The following BLTP3B variants were observed in gnomAD, a reference collection of about 807,000 sequenced individuals.
The protein encoded by BLTP3B is UHRF1 (ICBP90) binding protein 1-like.
At chr12:100,052,551 T>C in the BLTP3B span, among the ~76,000 whole-genome samples, 2 of 151,698 alleles carry the variant, frequency 1.3e-5, no homozygotes, top group Non-Finnish European at 2.9e-5. Context: ...CAGACTGAGA[T>C]GGAAAAGTTT....
chr12:100,060,469 T>C, the BLTP3B span, among the ~76,000 whole-genome samples: 1 of 152,162 alleles, frequency 6.6e-6, no homozygotes, highest in African/African-American at 2.4e-5. Flanking sequence ...TCTGTAGACT[T>C]TACAACCTGA....
chr12:100,091,859 G>A, the BLTP3B span, among the ~76,000 whole-genome samples: 2 of 150,154 alleles, frequency 1.3e-5, no homozygotes, highest in Admixed American at 6.7e-5. Context: ...AGGACAGGGT[G>A]CAGTGGTGCA....
At chr12:100,059,227 T>C in the BLTP3B span, 2 of 1,613,956 alleles carry the variant, frequency 1.2e-6, no homozygotes, top group Non-Finnish European at 1.7e-6. Flanking sequence ...GTTTTAAGAG[T>C]GTTTTTATTC....
At chr12:100,049,900 T>G in the BLTP3B span, among the ~76,000 whole-genome samples, 1 of 152,068 alleles carries the variant, frequency 6.6e-6, no homozygotes, top group South Asian at 2.1e-4. Flanking sequence ...ACAAAATGAG[T>G]TTTTTGGAGA....
chr12:100,132,126 A>G, the BLTP3B span, among the ~76,000 whole-genome samples: 2 of 152,250 alleles, frequency 1.3e-5, no homozygotes, highest in African/African-American at 4.8e-5. Flanking sequence ...TGTCCTAAGC[A>G]TACAATATGC....
the BLTP3B span, chr12:100,051,186 T>C: frequency 6.2e-7 from 1 of 1,613,110 alleles, no homozygotes; most frequent in Non-Finnish European, 8.5e-7. Context: ...CTTTCTGCTG[T>C]GCCCCTGTAA....
the BLTP3B span, among the ~76,000 whole-genome samples, chr12:100,064,196 G>A: frequency 3.1e-4 from 47 of 152,204 alleles, no homozygotes; most frequent in African/African-American, 1.1e-3. Flanking sequence ...TTCAGAGCTC[G>A]AAGACAAGGT....
chr12:100,103,957 A>G, the BLTP3B span: 1 of 1,598,616 alleles, frequency 6.3e-7, no homozygotes, highest in Admixed American at 1.8e-5. Flanking sequence ...GGGATCTACA[A>G]ATGAAAAATT....
the BLTP3B span, chr12:100,088,823 G>T: frequency 2.0e-6 from 2 of 1,016,002 alleles, no homozygotes; most frequent in Non-Finnish European, 1.4e-6. Context: ...TTATCTTACA[G>T]GACATCCTAC....
At chr12:100,064,194 T>C in the BLTP3B span, among the ~76,000 whole-genome samples, 1 of 151,922 alleles carries the variant, frequency 6.6e-6, no homozygotes, top group African/African-American at 2.4e-5. Flanking sequence ...AATTCAGAGC[T>C]CGAAGACAAG....
chr12:100,038,214 C>T, the BLTP3B span, among the ~76,000 whole-genome samples: 1 of 152,166 alleles, frequency 6.6e-6, no homozygotes, highest in Non-Finnish European at 1.5e-5. Flanking sequence ...GCTCGGTCGT[C>T]TTCTCTTGTA....
chr12:100,127,784 G>C, the BLTP3B span, among the ~76,000 whole-genome samples: 626 of 152,232 alleles, frequency 4.1e-3, 8 homozygotes, highest in African/African-American at 0.014. Flanking sequence ...AGGCCTAGGT[G>C]GGGGGACTGC....
the BLTP3B span, among the ~76,000 whole-genome samples, chr12:100,122,874 G>A: frequency 1.2e-4 from 19 of 152,122 alleles, no homozygotes; most frequent in Admixed American, 9.8e-4. Flanking sequence ...TCCTAGAGAA[G>A]GCCAAACTTT....
At chr12:100,141,403 GTGTATATATGTATA>G in the BLTP3B span, among the ~76,000 whole-genome samples, 2 of 147,484 alleles carry the variant, frequency 1.4e-5, no homozygotes, top group Non-Finnish European at 3.0e-5. Context: ...GTGTATATAT[GTGTATATATGTATA>G]TGTATATATG....
the BLTP3B span, among the ~76,000 whole-genome samples, chr12:100,100,534 A>T: frequency 6.6e-6 from 1 of 151,808 alleles, no homozygotes; most frequent in Non-Finnish European, 1.5e-5. Flanking sequence ...ACACATGGAG[A>T]CCACCATCTC....
At chr12:100,063,068 G>A in the BLTP3B span, among the ~76,000 whole-genome samples, 3 of 152,252 alleles carry the variant, frequency 2.0e-5, no homozygotes, top group South Asian at 2.1e-4. Context: ...GGTGGCAGGC[G>A]GGAGGCAGGA....
At chr12:100,119,005 G>A in the BLTP3B span, among the ~76,000 whole-genome samples, 1 of 152,134 alleles carries the variant, frequency 6.6e-6, no homozygotes, top group Admixed American at 6.5e-5. Flanking sequence ...GGGAGGCTGA[G>A]GCAGGAGAAT....
the BLTP3B span, chr12:100,092,951 C>T: frequency 0.2 from 200,013 of 984,066 alleles, 25,443 homozygotes; most frequent in African/African-American, 0.59. Flanking sequence ...TATTGGCTAA[C>T]GGTACTACCA....
At chr12:100,131,208 G>A in the BLTP3B span, among the ~76,000 whole-genome samples, 1 of 151,824 alleles carries the variant, frequency 6.6e-6, no homozygotes. Context: ...CTACTCAGGA[G>A]GCTGAAGTGG....
Sources: gnomAD v4.1 joint callset for allele counts (sites outside exome capture counted in the v4.1 genomes callset) on GRCh38, gnomAD v4.1.1 for gene constraint, MANE v1.5 for transcripts, NCBI Gene and HGNC (gene_info 2026-07-23, HGNC 2026-07-21) for gene names.